DGKI: variants seen among roughly 807,000 people sequenced by gnomAD.
The protein encoded by DGKI is DAG kinase iota.
A neutral mutation model predicts 147.5 loss-of-function variants in DGKI; 55 were observed. That is an observed-to-expected ratio of 0.37 (90% confidence interval 0.30 to 0.47). The LOEUF (loss-of-function observed/expected upper bound fraction) is 0.47. DGKI is among the 20% of genes least tolerant of loss of function. The pLI is 1.00. For synonymous variants in DGKI, 469 were observed against 477.1 expected, an observed-to-expected ratio of 0.98 and a Z score of 0.22; for missense variants, 1,007 against 1,323.8, an observed-to-expected ratio of 0.76 and a Z score of 3.71.
chr7:137,808,695 T>G, intron 1 of DGKI, among the ~76,000 whole-genome samples: 1 of 152,078 alleles, frequency 6.6e-6, no homozygotes, highest in Non-Finnish European at 1.5e-5. Flanking sequence ...AGGAAAGGCC[T>G]AAGAACTAAC....
intron 1 of DGKI, among the ~76,000 whole-genome samples, chr7:137,690,520 C>T (rs1161898943): frequency 6.6e-6 from 1 of 152,222 alleles, no homozygotes; most frequent in Non-Finnish European, 1.5e-5. Context: ...CTCCTTACCC[C>T]TGCAGAGGAC....
intron 1 of DGKI, among the ~76,000 whole-genome samples, chr7:137,728,056 C>A (rs182460888): frequency 1.7e-3 from 265 of 152,228 alleles, no homozygotes; most frequent in Non-Finnish European, 3.1e-3. Flanking sequence ...TGACAAAATT[C>A]TAAAAATTGT....
chr7:137,759,207 C>A (rs1287414713), intron 1 of DGKI, among the ~76,000 whole-genome samples: 1 of 152,178 alleles, frequency 6.6e-6, no homozygotes, highest in Non-Finnish European at 1.5e-5. Flanking sequence ...AGTGACAACA[C>A]ACAATATTTG....
chr7:137,404,835 T>TG (rs1210056307), intron 30 of DGKI, among the ~76,000 whole-genome samples: 5 of 276 alleles, frequency 0.018, no homozygotes, highest in African/African-American at 0.062. Context: ...TGTGACTCAG[T>TG]CTTGCAAGAG....
At chr7:137,784,193 A>T (rs1016802370) in intron 1 of DGKI, among the ~76,000 whole-genome samples, 5 of 152,172 alleles carry the variant, frequency 3.3e-5, no homozygotes, top group Non-Finnish European at 7.3e-5. Flanking sequence ...TGGATAAAGA[A>T]TTCACCAACC....
At chr7:137,716,216 G>A (rs960836758) in intron 1 of DGKI, among the ~76,000 whole-genome samples, 4 of 152,152 alleles carry the variant, frequency 2.6e-5, no homozygotes, top group Non-Finnish European at 5.9e-5. Context: ...TGGGAATCAC[G>A]GAACATTCTT....
chr7:137,592,131 C>G (rs1269204510), intron 12 of DGKI, among the ~76,000 whole-genome samples: 2 of 152,158 alleles, frequency 1.3e-5, no homozygotes, highest in Admixed American at 6.5e-5. Context: ...TTACAGTAAT[C>G]CGGAACCCGT....
At chr7:137,538,851 T>A (rs1444226324) in intron 20 of DGKI, among the ~76,000 whole-genome samples, 2 of 152,148 alleles carry the variant, frequency 1.3e-5, no homozygotes, top group Non-Finnish European at 2.9e-5. Context: ...CATCAGATTT[T>A]AAGATACTAT....
At chr7:137,832,878 G>C (rs894920707) in intron 1 of DGKI, among the ~76,000 whole-genome samples, 1 of 152,140 alleles carries the variant, frequency 6.6e-6, no homozygotes, top group Non-Finnish European at 1.5e-5. Context: ...TCTTTTATGA[G>C]ATACCACAAA....
intron 2 of DGKI, among the ~76,000 whole-genome samples, chr7:137,683,201 G>C (rs270893): frequency 0.5 from 75,175 of 151,392 alleles, 22,215 homozygotes; most frequent in African/African-American, 0.83. Flanking sequence ...TTTAGTTTCC[G>C]CCAAAAGAGA....
chr7:137,576,491 T>G (rs1818981659), intron 17 of DGKI, among the ~76,000 whole-genome samples: 1 of 152,238 alleles, frequency 6.6e-6, no homozygotes, highest in Admixed American at 6.5e-5. Context: ...AACAAAGTCA[T>G]GTTCCTTCCT....
chr7:137,683,788 C>CTA (rs1208461859), intron 2 of DGKI, among the ~76,000 whole-genome samples: 1 of 151,888 alleles, frequency 6.6e-6, no homozygotes, highest in Admixed American at 6.6e-5. Flanking sequence ...GTCTGTATAG[C>CTA]TATATATATA....
intron 1 of DGKI, among the ~76,000 whole-genome samples, chr7:137,712,277 G>T (rs1794240033): frequency 6.6e-6 from 1 of 151,954 alleles, no homozygotes; most frequent in Non-Finnish European, 1.5e-5. Flanking sequence ...GATATTTGTT[G>T]GGTTATTACC....
intron 4 of DGKI, among the ~76,000 whole-genome samples, chr7:137,656,143 G>A (rs1257464693): frequency 1.3e-5 from 2 of 152,216 alleles, no homozygotes; most frequent in Non-Finnish European, 2.9e-5. Flanking sequence ...AACAGCTTGT[G>A]GAACAGCCTA....
intron 27 of DGKI, among the ~76,000 whole-genome samples, chr7:137,460,935 A>G (rs904632682): frequency 6.6e-6 from 1 of 152,226 alleles, no homozygotes; most frequent in African/African-American, 2.4e-5. Context: ...TATATTTAGC[A>G]ATTTTAAACT....
intron 1 of DGKI, among the ~76,000 whole-genome samples, chr7:137,785,704 A>C (rs1256311282): frequency 6.6e-6 from 1 of 152,296 alleles, no homozygotes; most frequent in East Asian, 1.9e-4. Flanking sequence ...CCCTTGATCA[A>C]CACAGATGCA....
At chr7:137,545,267 T>C (rs1313161545) in intron 20 of DGKI, among the ~76,000 whole-genome samples, 1 of 152,156 alleles carries the variant, frequency 6.6e-6, no homozygotes, top group East Asian at 1.9e-4. Flanking sequence ...ATATGTGATA[T>C]GGAGAAAACA....
At chr7:137,806,662 T>C (rs1422099486) in intron 1 of DGKI, among the ~76,000 whole-genome samples, 1 of 152,138 alleles carries the variant, frequency 6.6e-6, no homozygotes, top group Non-Finnish European at 1.5e-5. Flanking sequence ...CTCGATCTCC[T>C]GACTTCGTGA....
chr7:137,555,295 G>A (rs554030442), intron 19 of DGKI, among the ~76,000 whole-genome samples: 1 of 151,924 alleles, frequency 6.6e-6, no homozygotes, highest in African/African-American at 2.4e-5. Flanking sequence ...GGAGGCCAAA[G>A]TGGGAGGATG....
Sources: allele counts gnomAD v4.1 joint callset (sites outside exome capture counted in the v4.1 genomes callset), GRCh38; gene constraint gnomAD v4.1.1; transcripts MANE v1.5; gene names NCBI Gene and HGNC (gene_info 2026-07-23, HGNC 2026-07-21).